Variants in C10orf67 observed in about 807,000 individuals in gnomAD.
C10orf67 encodes uncharacterized protein C10orf67, mitochondrial.
Under a neutral mutation model 35.6 loss-of-function variants are expected in C10orf67, and 60 were observed. The ratio of observed to expected loss-of-function variants is 1.68; its 90% CI spans 1.37 to 2.09. The LOEUF is 2.09. Among genes scored for constraint, C10orf67 ranks in the 30% most tolerant of loss-of-function variants. C10orf67 has a pLI of 0.00. For missense variants in C10orf67, 474 were observed against 330.2 expected, an observed-to-expected ratio of 1.44 and a Z score of -3.38; for synonymous variants, 167 against 115.8, an observed-to-expected ratio of 1.44 and a Z score of -2.84.
At chr10:23,258,828 A>G (rs1218302182) in intron 10 of C10orf67, among the ~76,000 whole-genome samples, 1 of 152,198 alleles carries the variant, frequency 6.6e-6, no homozygotes, top group Admixed American at 6.5e-5. Context: ...CATTGTCTGG[A>G]AAAATGGGAA....
chr10:23,284,114 T>TAA (rs71395837), intron 7 of C10orf67, among the ~76,000 whole-genome samples: 50,562 of 137,358 alleles, frequency 0.37, 10,554 homozygotes, highest in Non-Finnish European at 0.48. Flanking sequence ...ATCCAGGGCT[T>TAA]AAAAAAAAAA....
chr10:23,273,630 G>T (rs113254693), intron 8 of C10orf67, among the ~76,000 whole-genome samples: 198 of 152,298 alleles, frequency 1.3e-3, no homozygotes, highest in African/African-American at 4.6e-3. Flanking sequence ...AGACAAGTTA[G>T]CTGTCCCCAC....
intron 2 of C10orf67, among the ~76,000 whole-genome samples, chr10:23,324,406 CA>C: frequency 6.6e-6 from 1 of 152,206 alleles, no homozygotes; most frequent in South Asian, 2.1e-4. Context: ...CTCTCCTGGA[CA>C]GGACCCAAAA....
chr10:23,296,180 CT>C (rs201455113), intron 5 of C10orf67, among the ~76,000 whole-genome samples: 643 of 145,178 alleles, frequency 4.4e-3, no homozygotes, highest in South Asian at 0.033. Context: ...TCTATGTGTA[CT>C]TTTTTTTTTT....
intron 4 of C10orf67, 22 bp downstream of exon 4, chr10:23,320,719 G>C: frequency 6.4e-7 from 1 of 1,560,200 alleles, no homozygotes; most frequent in Non-Finnish European, 8.7e-7. Context: ...CCACAACTAC[G>C]GCACCAGAAA....
chr10:23,328,329 G>A (rs1845280324), intron 2 of C10orf67, among the ~76,000 whole-genome samples: 1 of 152,120 alleles, frequency 6.6e-6, no homozygotes, highest in Admixed American at 6.5e-5. Flanking sequence ...GTGATCATGT[G>A]ATACAGTTAC....
intron 8 of C10orf67, among the ~76,000 whole-genome samples, chr10:23,273,961 A>T (rs1843105287): frequency 6.6e-6 from 1 of 152,184 alleles, no homozygotes; most frequent in Non-Finnish European, 1.5e-5. Flanking sequence ...AGTGTTGGCC[A>T]GTCTGAGAAA....
At chr10:23,224,531 T>C (rs2132108947) in intron 13 of C10orf67, among the ~76,000 whole-genome samples, 1 of 152,298 alleles carries the variant, frequency 6.6e-6, no homozygotes, top group Admixed American at 6.5e-5. Context: ...GGACGGAGAA[T>C]GACTTTGACG....
intron 10 of C10orf67, among the ~76,000 whole-genome samples, chr10:23,254,929 G>C (rs1243069563): frequency 6.6e-6 from 1 of 151,994 alleles, no homozygotes; most frequent in Admixed American, 6.6e-5. Flanking sequence ...TTAAATCGTC[G>C]AATATATTTA....
intron 1 of C10orf67, among the ~76,000 whole-genome samples, chr10:23,334,186 TC>T (rs1275962315): frequency 6.6e-6 from 1 of 152,182 alleles, no homozygotes; most frequent in Admixed American, 6.5e-5. Context: ...GAGAATTGTT[TC>T]TTTAAGATGA....
intron 5 of C10orf67, among the ~76,000 whole-genome samples, chr10:23,294,785 C>T (rs1188344312): frequency 6.6e-6 from 1 of 151,724 alleles, no homozygotes; most frequent in Non-Finnish European, 1.5e-5. Context: ...TTCCAAATCC[C>T]GTGTTCCCAA....
rs192772509 is a variant in C10orf67, at chr10:23,258,015, T to A, written c.1201-7324A>T. Among the ~76,000 whole-genome samples, 268 of 152,230 alleles carry A rather than the reference T, an allele frequency of 1.8e-3. 1 individual carries two copies. Among genetic ancestry groups the A allele is most frequent in the Middle Eastern group, 0.01 (3 of 292 alleles). ...AATGTGTGAATACAATTTATTTCAATCTCTACTATTCTACACATGATGTGC... is the reference window on the plus strand; with the variant it reads ...AATGTGTGAATACAATTTATTTCAAACTCTACTATTCTACACATGATGTGC... On this transcript the variant is annotated intron_variant, in intron 10 of 15. Coordinates refer to ENST00000636213, the MANE Select transcript of C10orf67 (RefSeq NM_001371909.1).
chr10:23,220,993 G>A (rs1841562208), intron 15 of C10orf67, among the ~76,000 whole-genome samples: 1 of 151,992 alleles, frequency 6.6e-6, no homozygotes, highest in Non-Finnish European at 1.5e-5. Flanking sequence ...GAAAGTGTTC[G>A]GTTGGGATCT....
At chr10:23,278,332 G>T (rs889797617) in intron 8 of C10orf67, among the ~76,000 whole-genome samples, 9 of 152,284 alleles carry the variant, frequency 5.9e-5, no homozygotes, top group African/African-American at 2.2e-4. Flanking sequence ...TCTGTGTATT[G>T]TATAGCTGTG....
chr10:23,234,771 T>C (rs1842000622), intron 13 of C10orf67, among the ~76,000 whole-genome samples: 1 of 151,004 alleles, frequency 6.6e-6, no homozygotes, highest in Non-Finnish European at 1.5e-5. Context: ...TCCCAGCACT[T>C]TGGGGGGCTG....
chr10:23,260,937 C>G (rs145677589), intron 10 of C10orf67, among the ~76,000 whole-genome samples: 1 of 152,108 alleles, frequency 6.6e-6, no homozygotes, highest in Non-Finnish European at 1.5e-5. Flanking sequence ...TTAATGTAAA[C>G]CAGACAGAAA....
At chr10:23,318,100 TAAAAAAAAAAAA>T (rs779655068) in intron 4 of C10orf67, 5 of 37,056 alleles carry the variant, frequency 1.3e-4, no homozygotes, top group Non-Finnish European at 2.5e-4. Context: ...TCCCTGTCTC[TAAAAAAAAAAAA>T]AAAAAAAAAA....
intron 2 of C10orf67, among the ~76,000 whole-genome samples, chr10:23,327,940 G>A (rs538368912): frequency 4.6e-5 from 7 of 152,126 alleles, no homozygotes; most frequent in East Asian, 1.9e-4. Flanking sequence ...CAAGGACTGC[G>A]TTCTCCAACA....
At chr10:23,243,465 T>C (rs1588609807) in intron 12 of C10orf67, among the ~76,000 whole-genome samples, 1 of 151,602 alleles carries the variant, frequency 6.6e-6, no homozygotes, top group South Asian at 2.1e-4. Context: ...GGGCGGATCA[T>C]CTGAGGTCAG....
Sources: allele counts gnomAD v4.1 joint callset (sites outside exome capture counted in the v4.1 genomes callset), GRCh38; gene constraint gnomAD v4.1.1; transcripts MANE v1.5; gene names NCBI Gene and HGNC (gene_info 2026-07-23, HGNC 2026-07-21).